IMMP2L: variants seen among roughly 807,000 people sequenced by gnomAD.
IMMP2L encodes the protein inner mitochondrial membrane peptidase subunit 2, also known as mitochondrial inner membrane protease subunit 2.
A neutral mutation model predicts 19.3 loss-of-function variants in IMMP2L; 18 were observed. That is an observed-to-expected ratio of 0.93 (90% CI 0.64 to 1.38). IMMP2L has a LOEUF of 1.38. Among genes scored for constraint, IMMP2L ranks in the 40% most tolerant of loss-of-function variants. The probability of loss-of-function intolerance (pLI) is 0.00; values close to 1 mark genes in which losing one functional copy is unlikely to be tolerated. For missense variants in IMMP2L, 233 were observed against 218.2 expected (o/e 1.07, Z -0.43); for synonymous variants, 76 against 73.0 (o/e 1.04, Z -0.21).
chr7:110,705,168 T>C (rs188498676), intron 5 of IMMP2L, among the ~76,000 whole-genome samples: 386 of 152,208 alleles, frequency 2.5e-3, no homozygotes, highest in Non-Finnish European at 4.0e-3. Context: ...AAATGATCTA[T>C]AAATGTCTTT....
chr7:111,039,787 T>C (rs897489782), intron 3 of IMMP2L, among the ~76,000 whole-genome samples: 1 of 152,152 alleles, frequency 6.6e-6, no homozygotes, highest in Non-Finnish European at 1.5e-5. Flanking sequence ...CTAAGAAATA[T>C]CTTCTCATCT....
At chr7:110,825,740 G>C (rs1313125258) in intron 5 of IMMP2L, among the ~76,000 whole-genome samples, 1 of 152,116 alleles carries the variant, frequency 6.6e-6, no homozygotes. Flanking sequence ...AACCCTAGAA[G>C]AAAATCTAGG....
intron 4 of IMMP2L, among the ~76,000 whole-genome samples, chr7:110,906,939 C>A (rs191407985): frequency 6.6e-6 from 1 of 152,166 alleles, no homozygotes; most frequent in East Asian, 1.9e-4. Flanking sequence ...AGCTCTCAAC[C>A]ACTTGCAGGA....
intron 4 of IMMP2L, among the ~76,000 whole-genome samples, chr7:110,910,011 A>G (rs1271761052): frequency 6.6e-6 from 1 of 151,728 alleles, no homozygotes; most frequent in Admixed American, 6.6e-5. Context: ...ACTAAAGTTG[A>G]CTAATGGAAC....
chr7:111,364,745 C>T (rs768650968), intron 3 of IMMP2L, among the ~76,000 whole-genome samples: 3 of 151,768 alleles, frequency 2.0e-5, no homozygotes, highest in South Asian at 2.1e-4. Flanking sequence ...CCAAGGCAGG[C>T]GAATCACTTG....
At chr7:111,009,359 T>C (rs1042178652) in intron 3 of IMMP2L, among the ~76,000 whole-genome samples, 4 of 152,122 alleles carry the variant, frequency 2.6e-5, no homozygotes, top group Admixed American at 1.3e-4. Flanking sequence ...GTTCAGAACA[T>C]ATATGCATTT....
At position 110,837,623 on chromosome 7, in the gene IMMP2L, G is replaced by A. The variant is rs144599343; in HGVS notation, c.408+48970C>T. 5.3e-5 allele frequency among the ~76,000 whole-genome samples: 8 copies of A among 151,946 alleles called. 1 individual carries two copies. The highest frequency in any genetic ancestry group is 1.2e-4 in the African/African-American group (5 of 41,410). On this transcript the variant is annotated intron_variant, in intron 5 of 5. Coordinates refer to ENST00000405709, the MANE Select transcript of IMMP2L (RefSeq NM_032549.4). ...AGAGAATGAATTACTATTGCTGCCCGCCATCATTTAAAAAAAATAGCTTAA... is the reference window on the plus strand; with the variant it reads ...AGAGAATGAATTACTATTGCTGCCCACCATCATTTAAAAAAAATAGCTTAA...
chr7:111,487,680 T>G (rs1842768428), intron 2 of IMMP2L, among the ~76,000 whole-genome samples: 1 of 152,034 alleles, frequency 6.6e-6, no homozygotes, highest in Non-Finnish European at 1.5e-5. Context: ...TAACAAAATA[T>G]CCAGATAGGA....
chr7:111,472,625 T>G (rs1841367824), intron 3 of IMMP2L, among the ~76,000 whole-genome samples: 1 of 152,200 alleles, frequency 6.6e-6, no homozygotes, highest in African/African-American at 2.4e-5. Context: ...TATTTATGCT[T>G]TTCATTAAGA....
intron 5 of IMMP2L, among the ~76,000 whole-genome samples, chr7:110,798,134 C>T (rs1800988775): frequency 6.6e-6 from 1 of 151,802 alleles, no homozygotes; most frequent in Non-Finnish European, 1.5e-5. Context: ...AAAATATTTT[C>T]TTCTTTGTGA....
chr7:110,694,644 A>AG (rs756565635), intron 5 of IMMP2L, among the ~76,000 whole-genome samples: 55 of 151,952 alleles, frequency 3.6e-4, no homozygotes, highest in Non-Finnish European at 6.6e-4. Flanking sequence ...AAAGAGGAGG[A>AG]GAGAGAGAGA....
Position 111,343,616 on chromosome 7 carries a change from G to A in IMMP2L, c.239+143622C>T, listed in dbSNP as rs953589120. ...AGAGGGACCATTTCTCTGTGTCCCT[G>A]CTCTATATACAATGGCACTTAGTAA... On this transcript the variant is annotated intron_variant, in intron 3 of 5. Coordinates refer to ENST00000405709, the MANE Select transcript of IMMP2L (RefSeq NM_032549.4). Among the ~76,000 whole-genome samples, 8 of 152,062 alleles carry A rather than the reference G, an allele frequency of 5.3e-5. 1 individual carries two copies. Among genetic ancestry groups the A allele is most frequent in the African/African-American group, 1.9e-4 (8 of 41,378 alleles).
At chr7:111,296,698 A>G (rs1219521957) in intron 3 of IMMP2L, among the ~76,000 whole-genome samples, 1 of 152,032 alleles carries the variant, frequency 6.6e-6, no homozygotes, top group Non-Finnish European at 1.5e-5. Context: ...TTTATCCCAG[A>G]GAAATGGGAA....
chr7:110,939,587 C>T (rs1487156278), intron 4 of IMMP2L, among the ~76,000 whole-genome samples: 2 of 152,140 alleles, frequency 1.3e-5, no homozygotes, highest in Admixed American at 6.6e-5. Context: ...CTTCCTGAAC[C>T]TTCATCCCTA....
At chr7:111,542,343 T>G (rs1848571421) in intron 1 of IMMP2L, among the ~76,000 whole-genome samples, 1 of 152,180 alleles carries the variant, frequency 6.6e-6, no homozygotes, top group African/African-American at 2.4e-5. Flanking sequence ...ATTAAAATTT[T>G]ATATCACTAT....
intron 3 of IMMP2L, among the ~76,000 whole-genome samples, chr7:111,039,165 T>C (rs984295761): frequency 1.3e-5 from 2 of 152,326 alleles, no homozygotes; most frequent in Non-Finnish European, 2.9e-5. Context: ...ATGAGTTCAC[T>C]GCATCTGTTC....
At chr7:111,440,063 A>G (rs1163079570) in intron 3 of IMMP2L, among the ~76,000 whole-genome samples, 1 of 151,874 alleles carries the variant, frequency 6.6e-6, no homozygotes, top group Non-Finnish European at 1.5e-5. Context: ...TCCACTTCTA[A>G]TTCAAACTGT....
rs531330896 is a variant in IMMP2L at position 110,914,259 on chromosome 7, G to T, written c.306-27564C>A. ...CACTCGTTTAAAATTTCCATTGAAA[G>T]CTCTGCTGTTGTCTGCAGTTGATCT... On this transcript the variant is annotated intron_variant, in intron 4 of 5. Coordinates refer to ENST00000405709, the MANE Select transcript of IMMP2L (RefSeq NM_032549.4). Among the ~76,000 whole-genome samples the T allele has an allele frequency of 7.9e-5, 12 of 152,260 alleles. No homozygotes were observed. The South Asian group carries it at 2.5e-3, about 32-fold the overall frequency.
chr7:111,517,658 G>A lies in IMMP2L; in HGVS notation c.135+3655C>T, dbSNP rs535445420. Among the ~76,000 whole-genome samples the A allele has an allele frequency of 6.6e-5, 10 of 152,136 alleles. 1 individual carries two copies. In the East Asian group the frequency reaches 1.7e-3, roughly 26 times the overall value. ...TTTTACGCTAAAAGCCTCTGTAAGC[G>A]ATTAAAGTTCTAATTTGAATAATTA... On this transcript the variant is annotated intron_variant, in intron 2 of 5. Coordinates refer to ENST00000405709, the MANE Select transcript of IMMP2L (RefSeq NM_032549.4).
Sources: allele counts gnomAD v4.1 joint callset (sites outside exome capture counted in the v4.1 genomes callset), GRCh38; gene constraint gnomAD v4.1.1; transcripts MANE v1.5; gene names NCBI Gene and HGNC (gene_info 2026-07-23, HGNC 2026-07-21).